Variants in USP34 observed in about 807,000 individuals in gnomAD.
USP34 encodes the protein ubiquitin specific peptidase 34, also known as ubiquitin carboxyl-terminal hydrolase 34.
In USP34, 70 loss-of-function variants were observed where a neutral mutation model predicts 460.3. The ratio of observed to expected loss-of-function variants is 0.15; its 90% CI spans 0.13 to 0.19. USP34 has a LOEUF of 0.19. USP34 is among the 10% of genes least tolerant of loss of function. USP34 has a pLI of 1.00. For missense variants in USP34, 3,985 were observed against 4,236.2 expected (o/e 0.94, Z 1.65); for synonymous variants, 1,647 against 1,405.3 (o/e 1.17, Z -3.85).
chr2:61,313,278 G>A (rs1192109671), intron 25 of USP34, among the ~76,000 whole-genome samples: 1 of 151,774 alleles, frequency 6.6e-6, no homozygotes, highest in East Asian at 1.9e-4. Context: ...ATCTGAGAAG[G>A]AATTTTTGGA....
In USP34 at chr2:61,394,971, T is replaced by A; in HGVS notation, c.635A>T (p.Tyr212Phe). 6.2e-7 allele frequency: 1 copy of A among 1,602,868 alleles called. No homozygotes were observed. The highest frequency in any genetic ancestry group is 8.5e-7 in the Non-Finnish European group (1 of 1,176,784). ...ATTTTTCCCACAAAACAAACATACA[T>A]AACGAAGCAAATGCAATGGTACTTC... ...DVEVPLHLLR[Y>F]VCLFCGKNGL... The change falls in exon 5 of 80, where the codon TAT becomes TTT. Residue 212 changes from tyrosine (Y) to phenylalanine (F), a missense_variant. By Grantham distance (22) the Tyr-to-Phe change is conservative. Coordinates refer to ENST00000398571, the MANE Select transcript of USP34 (RefSeq NM_014709.4).
chr2:61,295,342 A>G (rs1249746981), intron 30 of USP34, 52 bp from the exon 31 acceptor site: 6 of 1,531,696 alleles, frequency 3.9e-6, no homozygotes, highest in African/African-American at 1.4e-5. Flanking sequence ...GGAACACAAA[A>G]AAGAAAAACT....
intron 74 of USP34, among the ~76,000 whole-genome samples, chr2:61,203,694 T>C (rs1229693174): frequency 6.6e-6 from 1 of 151,998 alleles, no homozygotes; most frequent in African/African-American, 2.4e-5. Context: ...GTGAATGAAG[T>C]GTGGGTAAAG....
intron 75 of USP34, among the ~76,000 whole-genome samples, chr2:61,197,646 G>A (rs1332394323): frequency 6.6e-6 from 1 of 152,212 alleles, no homozygotes; most frequent in Non-Finnish European, 1.5e-5. Flanking sequence ...TGCCCAGACT[G>A]TAGTGCAGTG....
intron 1 of USP34, among the ~76,000 whole-genome samples, chr2:61,428,242 CA>C (rs370891797): frequency 0.025 from 2,391 of 95,262 alleles, 48 homozygotes; most frequent in African/African-American, 0.071. Flanking sequence ...TAATGATTCT[CA>C]AAAAAAAAAA....
At chr2:61,318,980 T>G (rs1026654094) in intron 22 of USP34, among the ~76,000 whole-genome samples, 193 bp downstream of exon 22, 2 of 152,092 alleles carry the variant, frequency 1.3e-5, no homozygotes, top group Non-Finnish European at 1.5e-5. Flanking sequence ...AACTATTAAT[T>G]TAGAGGTAAA....
chr2:61,265,265 G>A, intron 43 of USP34, 132 bp downstream of exon 43: 1 of 935,398 alleles, frequency 1.1e-6, no homozygotes. Flanking sequence ...ACATTAGCTA[G>A]TTACTGTAAT....
intron 35 of USP34, among the ~76,000 whole-genome samples, chr2:61,284,223 AAC>A (rs1689620173): frequency 6.6e-6 from 1 of 152,214 alleles, no homozygotes. Flanking sequence ...GTGTGTGACA[AAC>A]ACATAGGTTA....
intron 1 of USP34, among the ~76,000 whole-genome samples, chr2:61,452,292 G>C (rs1266864936): frequency 1.3e-5 from 2 of 149,740 alleles, no homozygotes; most frequent in South Asian, 2.1e-4. Flanking sequence ...GCCAAGTGAA[G>C]TGGCTCGTGC....
intron 2 of USP34, chr2:61,417,252 C>T (rs566212532): frequency 6.2e-6 from 8 of 1,283,174 alleles, no homozygotes; most frequent in East Asian, 4.6e-5. Context: ...AGGCCTGTCT[C>T]CAAGGTCCCT....
At chr2:61,196,247 ATT>A (rs1232973598) in intron 75 of USP34, among the ~76,000 whole-genome samples, 14 of 136,106 alleles carry the variant, frequency 1.0e-4, no homozygotes, top group African/African-American at 8.1e-5. Flanking sequence ...TGCCTGGCTA[ATT>A]TTTTTTTTTT....
rs138825794 is a variant in USP34, at chr2:61,235,154, G to A, written c.7032+691C>T. On this transcript the variant is annotated intron_variant, in intron 57 of 79. Coordinates refer to ENST00000398571, the MANE Select transcript of USP34 (RefSeq NM_014709.4). ...AGATGTGTTAATTAATTTGAATGTG[G>A]GGTAATCATTTCAAAATGTATACAT... 9.2e-5 allele frequency among the ~76,000 whole-genome samples: 14 copies of A among 152,002 alleles called. No homozygotes were observed. In the East Asian group the frequency reaches 2.5e-3, roughly 27 times the overall value.
intron 62 of USP34, 121 bp downstream of exon 62, chr2:61,226,946 A>G: frequency 8.8e-7 from 1 of 1,140,652 alleles, no homozygotes; most frequent in South Asian, 2.0e-5. Flanking sequence ...AAGCTAGTGA[A>G]TAACAATTAC....
At position 61,236,201 on chromosome 2, in the gene USP34, G is replaced by A; in HGVS notation, c.6878C>T (p.Thr2293Ile). ...GGACACAGCTTTAGGATCTGGTAAT[G>A]TACTGGGAATACAACTACACAATTG... ...MWQLCSCIPS[T>I]LPDPKAVSLM... Residue 2293 changes from threonine to isoleucine, a missense_variant, in exon 55 of 80, where the codon ACA becomes ATA. Thr to Ile is a moderately conservative substitution (Grantham distance 89). This residue lies in a region of USP34 where 604 missense variants were observed against 684.8 expected (regional missense o/e 0.88). Transcript: ENST00000398571. The A allele has an allele frequency of 6.2e-7, 1 of 1,612,256 alleles. No homozygotes were observed. Among genetic ancestry groups the A allele is most frequent in the Non-Finnish European group, 8.5e-7 (1 of 1,179,302 alleles).
At chr2:61,442,502 GA>G (rs1488032838) in intron 1 of USP34, among the ~76,000 whole-genome samples, 1 of 150,984 alleles carries the variant, frequency 6.6e-6, no homozygotes, top group African/African-American at 2.4e-5. Flanking sequence ...ACAAATATGT[GA>G]AAAAAATGTT....
chr2:61,422,800 A>G (rs1303306711), intron 1 of USP34, among the ~76,000 whole-genome samples: 1 of 152,180 alleles, frequency 6.6e-6, no homozygotes, highest in African/African-American at 2.4e-5. Flanking sequence ...GGAGGTCAAG[A>G]CCAGCCTGAG....
chr2:61,387,954 CACACATAT>C (rs142303206), intron 5 of USP34, among the ~76,000 whole-genome samples: 3,931 of 148,728 alleles, frequency 0.026, 176 homozygotes, highest in African/African-American at 0.092. Flanking sequence ...CACACACACA[CACACATAT>C]ATATATATAA....
chr2:61,375,788 A>AAAAAAAAAAAAAAAC (rs1380152670), intron 8 of USP34, among the ~76,000 whole-genome samples: 26 of 148,814 alleles, frequency 1.7e-4, no homozygotes, highest in Non-Finnish European at 3.7e-4. Flanking sequence ...AAAAAAAAAA[A>AAAAAAAAAAAAAAAC]AAAAAAGTAG....
chr2:61,400,168 G>A (rs1329662791), intron 3 of USP34, among the ~76,000 whole-genome samples: 3 of 150,980 alleles, frequency 2.0e-5, no homozygotes, highest in East Asian at 2.0e-4. Flanking sequence ...GGAGTGCAGC[G>A]GCACCATCCC....
Sources: gnomAD v4.1 joint callset for allele counts (sites outside exome capture counted in the v4.1 genomes callset) on GRCh38, gnomAD v4.1.1 for gene constraint, gnomAD v4.1.1 regional missense constraint, MANE v1.5 for transcripts, NCBI Gene and HGNC (gene_info 2026-07-23, HGNC 2026-07-21) for gene names.